The following CUBN variants were observed in gnomAD, a reference collection of about 807,000 sequenced individuals.
CUBN encodes 460 kDa receptor.
A neutral mutation model predicts 405.3 loss-of-function variants in CUBN; 282 were observed. The observed-to-expected ratio is 0.70, with a 90% CI of 0.63 to 0.77. The LOEUF is 0.77. Ranked by LOEUF, CUBN falls within the 30% of genes least tolerant of loss-of-function variation. The pLI is 0.00. For synonymous variants in CUBN, 1,684 were observed against 1,617.0 expected, an observed-to-expected ratio of 1.04 and a Z score of -0.99; for missense variants, 4,514 against 4,475.2, an observed-to-expected ratio of 1.01 and a Z score of -0.25.
At position 17,043,832 on chromosome 10, in the gene CUBN, C is replaced by T. The variant is rs755862991; in HGVS notation, c.3824G>A (p.Arg1275Gln). The T allele has an allele frequency of 1.1e-5, 17 of 1,613,104 alleles. No individual in the cohort carries two copies. The East Asian group carries it at 1.6e-4, about 15-fold the overall frequency. Residue 1275 changes from arginine (R) to glutamine (Q), a missense_variant, in exon 26 of 67, where the codon CGG becomes CAG. By Grantham distance (43) the Arg-to-Gln change is conservative (BLOSUM62 1). Around this residue, in one of 5 missense-constraint regions of CUBN, gnomAD observed 242 missense variants for 309.0 expected, o/e 0.78. Transcript: ENST00000377833. The part of the protein sequence containing the change: ...QQGRGFKAEY[R>Q]QTCENVVIVN... ...CTGCCGGTATTCACACTTACTCTGC[C>T]GGTATTCAGCCTTGAAGCCACGTCC...
At chr10:16,913,790 C>T (rs371114435) in intron 48 of CUBN, 21 bp downstream of exon 48, 1 of 1,612,450 alleles carries the variant, frequency 6.2e-7, no homozygotes, top group South Asian at 1.1e-5. Flanking sequence ...TATAACATCT[C>T]AGGCGGCAGG....
At chr10:16,997,199 G>A (rs1833760859) in intron 28 of CUBN, among the ~76,000 whole-genome samples, 1 of 152,156 alleles carries the variant, frequency 6.6e-6, no homozygotes, top group South Asian at 2.1e-4. Context: ...ACTTAGGGAG[G>A]CAAAGGCAGG....
chr10:17,007,262 T>C (rs1834052338), intron 28 of CUBN, among the ~76,000 whole-genome samples: 1 of 137,236 alleles, frequency 7.3e-6, no homozygotes, highest in Non-Finnish European at 1.5e-5. Context: ...CTGAATACCA[T>C]GAACCGATTA....
At chr10:17,020,533 G>C (rs1462469950) in intron 27 of CUBN, among the ~76,000 whole-genome samples, 1 of 151,930 alleles carries the variant, frequency 6.6e-6, no homozygotes, top group Non-Finnish European at 1.5e-5. Context: ...AGACATTTTA[G>C]AAATATATGA....
intron 27 of CUBN, among the ~76,000 whole-genome samples, chr10:17,024,236 G>A (rs1564484510): frequency 6.6e-6 from 1 of 152,176 alleles, no homozygotes; most frequent in East Asian, 1.9e-4. Flanking sequence ...ATCACTGATA[G>A]AGATCCAATT....
At chr10:16,978,330 T>G (rs752768440) in intron 31 of CUBN, among the ~76,000 whole-genome samples, 1 of 152,184 alleles carries the variant, frequency 6.6e-6, no homozygotes, top group Non-Finnish European at 1.5e-5. Flanking sequence ...ACTCAGAAAC[T>G]TCACACTACC....
At chr10:16,960,575 G>C (rs1843189864) in intron 31 of CUBN, among the ~76,000 whole-genome samples, 1 of 152,128 alleles carries the variant, frequency 6.6e-6, no homozygotes, top group South Asian at 2.1e-4. Flanking sequence ...AAAAAGTACA[G>C]AACCTGGCAC....
rs2131844805 is a variant in CUBN at position 17,068,154 on chromosome 10, A to G, written c.2918T>C (p.Met973Thr). 6.2e-7 allele frequency: 1 copy of G among 1,613,760 alleles called. No individual in the cohort carries two copies. The highest frequency in any genetic ancestry group is 2.2e-5 in the East Asian group (1 of 44,866). The change falls in exon 21 of 67, where the codon ATG (methionine) becomes ACG (threonine). Residue 973 changes from methionine to threonine, a missense_variant. Transcript: ENST00000377833. ...LVQPNHLIHL[M>T]FETFHLEFHY... ...AAACTCCAGATGAAATGTTTCGAAC[A>G]TTAAATGAATCAGGTGATTAGGTTG... is the stretch of plus-strand genomic sequence containing the variant.
Position 16,925,237 on chromosome 10 carries a change from TTACC to T in CUBN, c.6646_6646+3del. On this transcript the variant is annotated splice_donor_variant and splice_donor_region_variant and coding_sequence_variant and intron_variant, in exon 43 of 67. Transcript: ENST00000377833. LOFTEE classifies it high-confidence loss of function. ...CAGATATAATTCTCAGTGAAAATAC[TTACC>T]TAAACTCTTTGCCTCATATTTGATT... 6.2e-7 allele frequency: 1 copy of T among 1,607,650 alleles called. No homozygotes were observed. The highest frequency in any genetic ancestry group is 1.1e-5 in the South Asian group (1 of 90,904).
At position 16,841,010 on chromosome 10, in the gene CUBN, C is replaced by A. The variant is rs150890299; in HGVS notation, c.9701G>T (p.Gly3234Val). 1 of 1,614,096 alleles carries A rather than the reference C, an allele frequency of 6.2e-7. No individual in the cohort carries two copies. Among genetic ancestry groups the A allele is most frequent in the South Asian group, 1.1e-5 (1 of 91,076 alleles). Residue 3234 changes from glycine to valine, a missense_variant, in exon 61 of 67, where the codon GGA becomes GTA. Around this residue, in one of 5 missense-constraint regions of CUBN, gnomAD observed 1,186 missense variants for 1,186.9 expected, o/e 1.00. Coordinates refer to ENST00000377833, the MANE Select transcript of CUBN (RefSeq NM_001081.4). ...DGDSENANLA[G>V]TFCGSTVPAP... ...AGGTACTGTGGAACCACAAAACGTT[C>A]CAGCCAAGTTCGCATTTTCACTATC...
intron 31 of CUBN, among the ~76,000 whole-genome samples, chr10:16,960,842 C>T (rs1843198723): frequency 6.6e-6 from 1 of 152,100 alleles, no homozygotes; most frequent in Non-Finnish European, 1.5e-5. Flanking sequence ...AATGAAGGGG[C>T]CCAACCACAG....
At chr10:17,091,908 G>C (rs1395870336) in intron 14 of CUBN, among the ~76,000 whole-genome samples, 1 of 152,112 alleles carries the variant, frequency 6.6e-6, no homozygotes, top group South Asian at 2.1e-4. Context: ...TTTGAACAAT[G>C]GGCCACTCTG....
Position 17,037,752 on chromosome 10 carries a change from G to A in CUBN, c.4017+3281C>T, listed in dbSNP as rs11254338. On this transcript the variant is annotated intron_variant, in intron 27 of 66. Transcript: ENST00000377833. ...ATCACTTACTCTGGTTTGTTACAGA[G>A]AGCCTCAGAATTCAGGGACCTAGAC... 8.5e-4 allele frequency among the ~76,000 whole-genome samples: 129 copies of A among 152,208 alleles called. 3 individuals are homozygous for A. The Middle Eastern group carries it at 0.017, about 20-fold the overall frequency.
chr10:16,930,078 T>C (rs941795815), intron 40 of CUBN, among the ~76,000 whole-genome samples: 2 of 152,150 alleles, frequency 1.3e-5, no homozygotes, highest in Non-Finnish European at 2.9e-5. Flanking sequence ...CCTCAACATA[T>C]AGATTGCAGA....
At chr10:17,015,015 C>A (rs1588582429) in intron 28 of CUBN, among the ~76,000 whole-genome samples, 1 of 152,204 alleles carries the variant, frequency 6.6e-6, no homozygotes, top group East Asian at 1.9e-4. Context: ...CATAGAGGAA[C>A]CACCACCTCA....
intron 33 of CUBN, among the ~76,000 whole-genome samples, chr10:16,951,905 G>T (rs913318545): frequency 1.3e-5 from 2 of 152,014 alleles, no homozygotes; most frequent in Non-Finnish European, 2.9e-5. Context: ...TATACTCAAG[G>T]CACACATGTC....
chr10:16,941,052 C>A (rs1438667056), intron 36 of CUBN, among the ~76,000 whole-genome samples: 1 of 152,152 alleles, frequency 6.6e-6, no homozygotes, highest in Non-Finnish European at 1.5e-5. Flanking sequence ...GGTAACATAT[C>A]TAAAGAGTCT....
chr10:17,012,057 CTT>C (rs982925788), intron 28 of CUBN, among the ~76,000 whole-genome samples: 2 of 152,154 alleles, frequency 1.3e-5, no homozygotes, highest in Non-Finnish European at 2.9e-5. Context: ...GAGGGGAACT[CTT>C]TAGGCTAATG....
At chr10:17,085,346 T>C (rs1437236722) in intron 16 of CUBN, among the ~76,000 whole-genome samples, 1 of 152,118 alleles carries the variant, frequency 6.6e-6, no homozygotes, top group East Asian at 1.9e-4. Flanking sequence ...TTATTTAAGT[T>C]TGGGTGCCTC....
Sources: allele counts gnomAD v4.1 joint callset (sites outside exome capture counted in the v4.1 genomes callset), GRCh38; gene constraint gnomAD v4.1.1; regional missense constraint gnomAD v4.1.1; transcripts MANE v1.5; gene names NCBI Gene and HGNC (gene_info 2026-07-23, HGNC 2026-07-21).